The following BACE2 variants were observed in gnomAD, a reference collection of about 807,000 sequenced individuals.
The protein encoded by BACE2 is 56 kDa aspartic-like protease.
BACE2 carries 17 observed loss-of-function variants against 46.2 expected under a neutral mutation model. The observed-to-expected ratio is 0.37, with a 90% CI of 0.25 to 0.55. BACE2 has a LOEUF of 0.55. Among genes scored for constraint, BACE2 ranks in the 20% least tolerant of loss-of-function variants. The pLI, the probability that BACE2 is intolerant of heterozygous loss-of-function variation, is 0.82. For synonymous variants in BACE2, 277 were observed against 295.9 expected (o/e 0.94, Z 0.66); for missense variants, 595 against 698.1 (o/e 0.85, Z 1.66).
chr21:41,265,562 T>C (rs895560628), intron 8 of BACE2, among the ~76,000 whole-genome samples: 7 of 152,166 alleles, frequency 4.6e-5, no homozygotes, highest in African/African-American at 1.7e-4. Flanking sequence ...ATGAGTGAGA[T>C]TGAGTTTCTT....
At position 41,199,095 on chromosome 21, in the gene BACE2, C is replaced by G. The variant is rs1284649339; in HGVS notation, c.313-27171C>G. ...GTCCAAGTGTTCTCATTGCTCACTT[C>G]CCACCTATGAGTGAGAACGTGCGGT... On this transcript the variant is annotated intron_variant, in intron 1 of 8. Transcript: ENST00000330333. Among the ~76,000 whole-genome samples the G allele has an allele frequency of 1.1e-4, 16 of 142,870 alleles. 1 individual carries two copies. The South Asian group carries it at 2.7e-3, about 24-fold the overall frequency. The allele number at this position is 142,870 out of a possible 152,430, so 93.7% of individuals were successfully genotyped here. A position where few individuals can be genotyped will look rare whatever the true frequency, so the allele number is the denominator to read the frequency against.
intron 1 of BACE2, chr21:41,180,068 A>C (rs1475979651): frequency 3.8e-6 from 1 of 262,002 alleles, no homozygotes; most frequent in Non-Finnish European, 7.9e-6. Flanking sequence ...CTGTGCGCCC[A>C]CAGTAGCAGC....
chr21:41,183,476 T>C lies in BACE2; in HGVS notation c.312+14901T>C, dbSNP rs12106409. On this transcript the variant is annotated intron_variant, in intron 1 of 8. Coordinates refer to ENST00000330333, the MANE Select transcript of BACE2 (RefSeq NM_012105.5). ...ATACAAGACAACTGGATTCAAGTTATTTACAGAACTGGGACCCATCTACCT... is the reference window on the plus strand; with the variant it reads ...ATACAAGACAACTGGATTCAAGTTACTTACAGAACTGGGACCCATCTACCT... 9.7e-3 allele frequency: 1,615 copies of C among 166,846 alleles called. 23 individuals are homozygous for C. Among genetic ancestry groups the C allele is most frequent in the African/African-American group, 0.032 (1,349 of 41,554 alleles). 10.3% of individuals were successfully genotyped at this position (166,846 alleles called of 1,614,324 possible).
chr21:41,230,609 G>C (rs938775940), intron 2 of BACE2, among the ~76,000 whole-genome samples: 1 of 152,184 alleles, frequency 6.6e-6, no homozygotes, highest in Non-Finnish European at 1.5e-5. Context: ...GGTTGGGTTT[G>C]TCCGCCTCTG....
In BACE2 at chr21:41,189,807, A is replaced by G. The variant is rs189463002; in HGVS notation, c.312+21232A>G. 1.1e-4 allele frequency among the ~76,000 whole-genome samples: 17 copies of G among 152,342 alleles called. No homozygotes were observed. In the East Asian group the frequency reaches 2.1e-3, roughly 19 times the overall value. The stretch of plus-strand genomic sequence containing the variant: ...ATAATAGAGATAGAGACATAGACAT[A>G]TAGATAAAGGGGAGTTTATTAAGTA... On this transcript the variant is annotated intron_variant, in intron 1 of 8. Transcript: ENST00000330333.
At chr21:41,257,135 G>T (rs748536347) in intron 7 of BACE2, 23 bp from the exon 8 acceptor site, 15 of 1,613,574 alleles carry the variant, frequency 9.3e-6, no homozygotes, top group Non-Finnish European at 1.3e-5. Context: ...TTGTTTGTTT[G>T]CTCTCTCCTC....
intron 1 of BACE2, among the ~76,000 whole-genome samples, chr21:41,224,909 C>T (rs1986764255): frequency 6.6e-6 from 1 of 152,182 alleles, no homozygotes; most frequent in Admixed American, 6.5e-5. Context: ...ACATAGCAGA[C>T]GTGTTCAGCA....
intron 7 of BACE2, among the ~76,000 whole-genome samples, chr21:41,256,317 A>T (rs1987786616): frequency 6.6e-6 from 1 of 151,972 alleles, no homozygotes; most frequent in East Asian, 1.9e-4. Flanking sequence ...TTCAACTCCC[A>T]CTTATGAGTG....
rs1422975252 is a variant in BACE2, at chr21:41,237,633, T to C, written c.522T>C (p.Leu174=). ...TIPKGFNTSF[L]VNIATIFESE... ...CCAAAGGCTTCAATACTTCTTTTCT[T>C]GTCAACATTGCCACTATTTTTGAAT... The change falls in exon 3 of 9, where the codon CTT becomes CTC. Residue 174 remains leucine (L), a synonymous_variant. Transcript: ENST00000330333. The C allele has an allele frequency of 6.2e-7, 1 of 1,614,218 alleles. No homozygotes were observed. The highest frequency in any genetic ancestry group is 1.7e-5 in the Admixed American group (1 of 60,016).
chr21:41,198,154 G>A (rs1225960225), intron 1 of BACE2, among the ~76,000 whole-genome samples: 2 of 152,000 alleles, frequency 1.3e-5, no homozygotes, highest in Non-Finnish European at 2.9e-5. Flanking sequence ...ACCACACCCA[G>A]CTGATGTTTG....
At chr21:41,206,616 G>A (rs1023893139) in intron 1 of BACE2, among the ~76,000 whole-genome samples, 24 of 152,212 alleles carry the variant, frequency 1.6e-4, no homozygotes, top group Admixed American at 2.0e-4. Flanking sequence ...AAACATTAAG[G>A]GTGGTGTCCG....
At chr21:41,223,269 T>C (rs1986711491) in intron 1 of BACE2, among the ~76,000 whole-genome samples, 1 of 150,994 alleles carries the variant, frequency 6.6e-6, no homozygotes, top group Non-Finnish European at 1.5e-5. Context: ...GGTGAGAGGA[T>C]CCCTTGAGCC....
In BACE2 at chr21:41,257,254, GT is replaced by G. The variant is rs1219991604; in HGVS notation, c.1232del (p.Val411GlyfsTer43). ...STNALVIGAT[V>X]MEGFYVIFDR... is the part of the protein sequence containing the mutation. ...AAATGCGCTGGTGATCGGTGCCACGGTGATGGAGGGCTTCTACGTCATCTTC... is the reference window on the plus strand; with the variant it reads ...AAATGCGCTGGTGATCGGTGCCACGGGATGGAGGGCTTCTACGTCATCTTC... On this transcript the variant is annotated frameshift_variant, in exon 8 of 9. Coordinates refer to ENST00000330333, the MANE Select transcript of BACE2 (RefSeq NM_012105.5). LOFTEE classifies it high-confidence loss of function. The G allele has an allele frequency of 1.2e-6, 2 of 1,614,078 alleles. No homozygotes were observed. The highest frequency in any genetic ancestry group is 1.7e-6 in the Non-Finnish European group (2 of 1,180,028).
At chr21:41,192,597 C>T (rs1436291687) in intron 1 of BACE2, among the ~76,000 whole-genome samples, 2 of 152,164 alleles carry the variant, frequency 1.3e-5, no homozygotes, top group Non-Finnish European at 2.9e-5. Context: ...TTCTAGAGGC[C>T]TCCACTGTGA....
intron 3 of BACE2, chr21:41,241,610 C>G: frequency 3.7e-6 from 2 of 545,108 alleles, no homozygotes; most frequent in South Asian, 4.9e-5. Context: ...ACAACAGAGC[C>G]GTGCCCAAAG....
chr21:41,249,107 G>A (rs1390103292), intron 6 of BACE2, among the ~76,000 whole-genome samples: 1 of 152,186 alleles, frequency 6.6e-6, no homozygotes, highest in Non-Finnish European at 1.5e-5. Context: ...AGGGGACTCA[G>A]GACTAGTGGG....
At chr21:41,255,915 C>G (rs1311520768) in intron 7 of BACE2, among the ~76,000 whole-genome samples, 1 of 152,140 alleles carries the variant, frequency 6.6e-6, no homozygotes, top group Non-Finnish European at 1.5e-5. Flanking sequence ...AATATTTTAA[C>G]CCCAAATATA....
intron 1 of BACE2, among the ~76,000 whole-genome samples, chr21:41,215,154 G>A (rs866366183): frequency 1.3e-5 from 2 of 152,174 alleles, no homozygotes; most frequent in South Asian, 2.1e-4. Context: ...GCAGGTGGAG[G>A]AGAGAAAGAG....
chr21:41,195,046 G>T (rs552767108), intron 1 of BACE2, among the ~76,000 whole-genome samples: 3 of 152,356 alleles, frequency 2.0e-5, no homozygotes, highest in African/African-American at 7.2e-5. Context: ...GTTAATATGG[G>T]GTTGACCAGA....
Sources: allele counts gnomAD v4.1 joint callset (sites outside exome capture counted in the v4.1 genomes callset), GRCh38; gene constraint gnomAD v4.1.1; transcripts MANE v1.5; gene names NCBI Gene and HGNC (gene_info 2026-07-23, HGNC 2026-07-21).